Variants in ACAD11 observed in about 807,000 individuals in gnomAD.
ACAD11 encodes acyl-CoA dehydrogenase family member 11.
In ACAD11, 83 loss-of-function variants were observed where a neutral mutation model predicts 102.2. That is an observed-to-expected ratio of 0.81 (90% CI 0.68 to 0.97). The LOEUF (loss-of-function observed/expected upper bound fraction) is 0.97. Among genes scored for constraint, ACAD11 ranks in the 50% least tolerant of loss-of-function variants. The probability of loss-of-function intolerance (pLI) is 0.00; values close to 1 mark genes in which losing one functional copy is unlikely to be tolerated. For synonymous variants in ACAD11, 324 were observed against 319.8 expected, an observed-to-expected ratio of 1.01 and a Z score of -0.14; for missense variants, 901 against 951.7, an observed-to-expected ratio of 0.95 and a Z score of 0.70.
intron 13 of ACAD11, among the ~76,000 whole-genome samples, chr3:132,589,514 G>A (rs552603286): frequency 6.6e-5 from 10 of 152,188 alleles, no homozygotes; most frequent in Middle Eastern, 6.8e-3. Context: ...TTCTACTTGG[G>A]ACTATCTTTG....
In ACAD11 at chr3:132,626,741, G is replaced by A. The variant is rs1559965451; in HGVS notation, c.1147C>T (p.Leu383Phe). 1 of 1,613,636 alleles carries A rather than the reference G, an allele frequency of 6.2e-7. No individual in the cohort carries two copies. The change falls in exon 9 of 20, where the codon CTT (leucine) becomes TTT (phenylalanine). Residue 383 changes from leucine (L) to phenylalanine (F), a missense_variant. Coordinates refer to ENST00000264990, the MANE Select transcript of ACAD11 (RefSeq NM_032169.5). ...TTCATGAAATGCTTCACCTTAATAAGAACTTCCTGACCTTTCCGAGTCTGT... is the reference window on the plus strand; with the variant it reads ...TTCATGAAATGCTTCACCTTAATAAAAACTTCCTGACCTTTCCGAGTCTGT... ...FVQTRKGQEVLIKVKHFMKQH... is the reference protein window; with the variant it reads ...FVQTRKGQEVFIKVKHFMKQH...
intron 11 of ACAD11, among the ~76,000 whole-genome samples, chr3:132,617,546 A>G (rs1022005865): frequency 3.3e-5 from 5 of 152,134 alleles, no homozygotes; most frequent in Admixed American, 3.3e-4. Context: ...ATCATCCACT[A>G]CACTACTACC....
intron 18 of ACAD11, 21 bp downstream of exon 18, chr3:132,561,080 G>T: frequency 6.3e-7 from 1 of 1,589,476 alleles, no homozygotes; most frequent in Non-Finnish European, 8.6e-7. Flanking sequence ...TTGGTGGTCT[G>T]AGGGGAGAAG....
intron 11 of ACAD11, among the ~76,000 whole-genome samples, chr3:132,617,154 A>C (rs866865924): frequency 6.6e-6 from 1 of 152,194 alleles, no homozygotes. Context: ...TCCCATAATC[A>C]TCCTACTACA....
intron 13 of ACAD11, among the ~76,000 whole-genome samples, chr3:132,586,913 C>T (rs546685267): frequency 2.6e-5 from 4 of 152,028 alleles, no homozygotes; most frequent in Non-Finnish European, 5.9e-5. Context: ...GCCAACATGG[C>T]GAAACCCCGT....
intron 9 of ACAD11, among the ~76,000 whole-genome samples, chr3:132,626,398 A>G (rs1939812642): frequency 6.6e-6 from 1 of 152,148 alleles, no homozygotes; most frequent in Admixed American, 6.5e-5. Context: ...TTACAAAAAA[A>G]AAAAAGCTGA....
chr3:132,639,826 A>G (rs892520931), intron 4 of ACAD11, among the ~76,000 whole-genome samples, 170 bp from the exon 5 acceptor site: 1 of 152,180 alleles, frequency 6.6e-6, no homozygotes, highest in Non-Finnish European at 1.5e-5. Context: ...AACCTTAAAC[A>G]TTTAAGTCTC....
intron 9 of ACAD11, among the ~76,000 whole-genome samples, chr3:132,626,378 G>T (rs1345879385): frequency 6.6e-6 from 1 of 151,540 alleles, no homozygotes; most frequent in Non-Finnish European, 1.5e-5. Flanking sequence ...ATTCTCAAAG[G>T]GGTCCATATT....
At chr3:132,615,527 G>C (rs1939369971) in intron 11 of ACAD11, among the ~76,000 whole-genome samples, 1 of 152,102 alleles carries the variant, frequency 6.6e-6, no homozygotes, top group Non-Finnish European at 1.5e-5. Context: ...TTCTTTGCAG[G>C]GACATGGATG....
chr3:132,611,826 T>A (rs1248116793), intron 11 of ACAD11, among the ~76,000 whole-genome samples: 1 of 151,912 alleles, frequency 6.6e-6, no homozygotes, highest in East Asian at 1.9e-4. Context: ...TTCAATGCCA[T>A]CCCCATCAAG....
intron 13 of ACAD11, among the ~76,000 whole-genome samples, chr3:132,594,903 C>A (rs191878999): frequency 1.1e-3 from 166 of 152,156 alleles, no homozygotes; most frequent in Admixed American, 2.5e-3. Flanking sequence ...TTTATTAATT[C>A]AAAATATTTT....
chr3:132,580,598 T>C (rs995131839), intron 13 of ACAD11, among the ~76,000 whole-genome samples: 1 of 151,952 alleles, frequency 6.6e-6, no homozygotes, highest in Admixed American at 6.6e-5. Context: ...CAATTAGAAA[T>C]GTGAATAGTT....
intron 1 of ACAD11, among the ~76,000 whole-genome samples, chr3:132,655,429 G>A (rs1458587035): frequency 6.6e-6 from 1 of 152,012 alleles, no homozygotes; most frequent in East Asian, 1.9e-4. Context: ...TGCCTGACAG[G>A]GTCCCTGTTG....
rs200581158 is a variant in ACAD11, at chr3:132,659,609, T to C, written c.143A>G (p.Gln48Arg). The C allele has an allele frequency of 3.9e-5, 63 of 1,610,454 alleles. No homozygotes were observed. The highest frequency in any genetic ancestry group is 5.3e-5 in the Non-Finnish European group (62 of 1,178,514). The part of the protein sequence containing the change: ...AEREATLTIA[Q>R]YRAGKSNPTF... ...CAAAGGCTGACATCCATACCTGTAC[T>C]GGGCAATGGTCAGCGTAGCCTCACG... The change falls in exon 1 of 20, where the codon CAG (glutamine) becomes CGG (arginine). Residue 48 changes from glutamine (Q) to arginine (R), a missense_variant. Transcript: ENST00000264990.
intron 13 of ACAD11, among the ~76,000 whole-genome samples, chr3:132,596,601 C>G (rs1338035518): frequency 6.6e-6 from 1 of 152,074 alleles, no homozygotes; most frequent in Non-Finnish European, 1.5e-5. Context: ...TCTTCTTTCT[C>G]TAACTTACTT....
At chr3:132,644,540 C>T (rs529006893) in intron 2 of ACAD11, among the ~76,000 whole-genome samples, 60 of 151,882 alleles carry the variant, frequency 4.0e-4, no homozygotes, top group Non-Finnish European at 6.6e-4. Context: ...TAGCAAACAA[C>T]GTAGAGGAAA....
At chr3:132,568,741 T>A (rs552211729) in intron 17 of ACAD11, among the ~76,000 whole-genome samples, 48 of 130,892 alleles carry the variant, frequency 3.7e-4, no homozygotes, top group African/African-American at 1.2e-3. Flanking sequence ...CAAAAACAAT[T>A]CAATGGAGGA....
intron 11 of ACAD11, among the ~76,000 whole-genome samples, chr3:132,611,153 G>C (rs928978553): frequency 2.0e-5 from 3 of 152,008 alleles, no homozygotes; most frequent in Admixed American, 1.3e-4. Flanking sequence ...TGCAGAAAAG[G>C]CTTTAGACAA....
intron 12 of ACAD11, among the ~76,000 whole-genome samples, chr3:132,604,255 G>A (rs1938745014): frequency 6.6e-6 from 1 of 152,042 alleles, no homozygotes; most frequent in African/African-American, 2.4e-5. Context: ...TCTGAGTATT[G>A]TTATAATTGT....
Sources: gnomAD v4.1 joint callset for allele counts (sites outside exome capture counted in the v4.1 genomes callset) on GRCh38, gnomAD v4.1.1 for gene constraint, MANE v1.5 for transcripts, NCBI Gene and HGNC (gene_info 2026-07-23, HGNC 2026-07-21) for gene names.